Variants in BRDT observed in about 807,000 individuals in gnomAD.
BRDT encodes bromodomain testis associated.
A neutral mutation model predicts 113.9 loss-of-function variants in BRDT; 77 were observed. The observed-to-expected ratio is 0.68, with a 90% confidence interval of 0.56 to 0.82. The LOEUF (loss-of-function observed/expected upper bound fraction) is 0.82, where lower values mean the gene tolerates loss of function less well. Among genes scored for constraint, BRDT ranks in the 40% least tolerant of loss-of-function variants. The pLI, the probability that BRDT is intolerant of heterozygous loss-of-function variation, is 0.00. For missense variants in BRDT, 1,027 were observed against 1,105.4 expected, an observed-to-expected ratio of 0.93 and a Z score of 1.01; for synonymous variants, 358 against 366.5, an observed-to-expected ratio of 0.98 and a Z score of 0.26.
chr1:92,001,267 C>T (rs903747529), intron 15 of BRDT, among the ~76,000 whole-genome samples: 1 of 152,212 alleles, frequency 6.6e-6, no homozygotes, highest in South Asian at 2.1e-4. Flanking sequence ...GTCATCCTTA[C>T]GTTCCCAGTG....
At position 92,005,276 on chromosome 1, in the gene BRDT, C is replaced by T. The variant is rs757984216; in HGVS notation, c.2752C>T (p.Gln918Ter). 6.4e-7 allele frequency: 1 copy of T among 1,565,170 alleles called. No individual in the cohort carries two copies. The highest frequency in any genetic ancestry group is 1.2e-5 in the South Asian group (1 of 82,082). The change falls in exon 18 of 19, where the codon CAA (glutamine) becomes TAA (stop). Residue 918 changes from glutamine (Q) to a stop codon, truncating the protein, a stop_gained. Coordinates refer to ENST00000399546, the MANE Select transcript of BRDT (RefSeq NM_207189.4). LOFTEE classifies it high-confidence loss of function. ...KDRDLARQKE[Q>*]ERRRREAMVG... is the part of the protein sequence containing the mutation. ...CCGTGATTTAGCAAGGCAGAAAGAA[C>T]AAGAGAGGAGGAGGAGAGAAGCAGT...
intron 3 of BRDT, among the ~76,000 whole-genome samples, chr1:91,966,089 G>C (rs115572769): frequency 3.9e-4 from 59 of 152,196 alleles, no homozygotes; most frequent in African/African-American, 1.4e-3. Flanking sequence ...GGAGTGCAGT[G>C]TATGTGGAGA....
At chr1:92,002,019 T>G (rs778364701) in intron 15 of BRDT, 30 bp from the exon 16 acceptor site, 35 of 1,467,220 alleles carry the variant, frequency 2.4e-5, no homozygotes, top group Non-Finnish European at 1.9e-5. Context: ...AATATTTTAA[T>G]TATACTATTC....
intron 18 of BRDT, among the ~76,000 whole-genome samples, chr1:92,010,742 A>ATG (rs1351166856): frequency 2.6e-5 from 4 of 152,214 alleles, no homozygotes; most frequent in Non-Finnish European, 5.9e-5. Context: ...TTTATTAAAA[A>ATG]TGTGTGTGGT....
intron 7 of BRDT, among the ~76,000 whole-genome samples, chr1:91,978,871 G>C (rs970688103): frequency 6.6e-6 from 1 of 151,608 alleles, no homozygotes; most frequent in African/African-American, 2.4e-5. Flanking sequence ...GCATGGTGGC[G>C]CCTGTAGTCC....
chr1:91,976,055 C>T (rs548331821), intron 4 of BRDT, among the ~76,000 whole-genome samples: 2 of 152,146 alleles, frequency 1.3e-5, no homozygotes, highest in Admixed American at 6.5e-5. Flanking sequence ...AACTGATAAA[C>T]CTACCATTAA....
chr1:91,975,824 T>C (rs532518998), intron 4 of BRDT, among the ~76,000 whole-genome samples: 210 of 152,356 alleles, frequency 1.4e-3, no homozygotes, highest in African/African-American at 4.8e-3. Context: ...GAAGAAGGTA[T>C]TGATAAGAGA....
chr1:91,981,203 A>C (rs1038229508), intron 10 of BRDT, 25 bp downstream of exon 10: 6 of 1,607,344 alleles, frequency 3.7e-6, no homozygotes, highest in Admixed American at 1.7e-5. Flanking sequence ...ATATTAATAG[A>C]AATCGGTTTG....
At chr1:91,964,905 A>T in intron 3 of BRDT, 141 bp downstream of exon 3, 2 of 387,706 alleles carry the variant, frequency 5.2e-6, no homozygotes, top group Non-Finnish European at 8.1e-6. Flanking sequence ...GTGTGTGTGT[A>T]TATAATTTTT....
chr1:91,980,532 A>C, intron 8 of BRDT, 111 bp from the exon 9 acceptor site: 1 of 925,692 alleles, frequency 1.1e-6, no homozygotes, highest in Non-Finnish European at 1.5e-6. Context: ...AAATGTAATA[A>C]GAAATGAATT....
intron 12 of BRDT, among the ~76,000 whole-genome samples, chr1:91,988,381 T>C (rs1208106161): frequency 1.3e-5 from 2 of 152,066 alleles, no homozygotes; most frequent in Non-Finnish European, 2.9e-5. Flanking sequence ...ATTATTGTTA[T>C]CGATTTTATT....
In BRDT at chr1:91,963,049, C is replaced by T. The variant is rs1044954664; in HGVS notation, c.192+103C>T. On this transcript the variant is annotated intron_variant, in intron 2 of 18. Transcript: ENST00000399546. ...ATATTATAAAACATATTTGGCCAGG[C>T]GCGTTGGCTCCCGCCTATAATCCCA... is the stretch of plus-strand genomic sequence containing the variant. 18 of 939,746 alleles carry T rather than the reference C, an allele frequency of 1.9e-5. No individual in the cohort carries two copies. In the Middle Eastern group the frequency reaches 1.9e-3, roughly 100 times the overall value. The allele number at this position is 939,746 out of a possible 1,614,324, so 58.2% of individuals were successfully genotyped here. A position where few individuals can be genotyped will look rare whatever the true frequency, so the allele number is the denominator to read the frequency against.
At chr1:91,999,178 T>C (rs1351633162) in intron 15 of BRDT, among the ~76,000 whole-genome samples, 1 of 151,958 alleles carries the variant, frequency 6.6e-6, no homozygotes, top group Non-Finnish European at 1.5e-5. Flanking sequence ...TAAAAGAAAT[T>C]GCAAGAGTAG....
At chr1:91,997,936 A>G (rs1686488899) in intron 15 of BRDT, among the ~76,000 whole-genome samples, 1 of 152,264 alleles carries the variant, frequency 6.6e-6, no homozygotes, top group Admixed American at 6.5e-5. Context: ...AAATGATAAA[A>G]GCAATATGTT....
chr1:91,987,870 G>A (rs926665289), intron 12 of BRDT, among the ~76,000 whole-genome samples: 2 of 151,682 alleles, frequency 1.3e-5, no homozygotes, highest in African/African-American at 4.8e-5. Flanking sequence ...GTTTTGTTGA[G>A]ACAGAGTCTC....
intron 13 of BRDT, 59 bp downstream of exon 13, chr1:91,991,304 G>A: frequency 1.1e-6 from 1 of 932,054 alleles, no homozygotes; most frequent in Non-Finnish European, 1.6e-6. Flanking sequence ...CATGGGTATA[G>A]TAGTAGCTTT....
chr1:91,964,910 ATTTTTT>A lies in BRDT; in HGVS notation c.330+158_330+163del, dbSNP rs1302641462. ...GTGTGTGTGTGTGTGTGTGTATATA[ATTTTTT>A]TTTTTTTTTTTGAGATGGAGTCTGG... On this transcript the variant is annotated intron_variant, in intron 3 of 18. Coordinates refer to ENST00000399546, the MANE Select transcript of BRDT (RefSeq NM_207189.4). 1.3e-5 allele frequency: 3 copies of A among 234,844 alleles called. No homozygotes were observed. In the South Asian group the frequency reaches 5.2e-4, roughly 41 times the overall value. 14.5% of individuals were successfully genotyped at this position (234,844 alleles called of 1,614,324 possible).
intron 11 of BRDT, 90 bp from the exon 12 acceptor site, chr1:91,981,528 G>A (rs571522095): frequency 2.0e-5 from 31 of 1,565,306 alleles, no homozygotes; most frequent in South Asian, 4.8e-5. Flanking sequence ...ACAGGCATGC[G>A]CGACCATGCC....
intron 18 of BRDT, among the ~76,000 whole-genome samples, chr1:92,007,691 T>C (rs1020243823): frequency 1.3e-5 from 2 of 152,230 alleles, no homozygotes; most frequent in African/African-American, 2.4e-5. Context: ...TTTAACTTAA[T>C]CGCAGTCTGC....
Sources: allele counts gnomAD v4.1 joint callset (sites outside exome capture counted in the v4.1 genomes callset), GRCh38; gene constraint gnomAD v4.1.1; transcripts MANE v1.5; gene names NCBI Gene and HGNC (gene_info 2026-07-23, HGNC 2026-07-21).